The following FUT9 variants were observed in gnomAD, a reference collection of about 807,000 sequenced individuals.
FUT9 encodes the protein 4-galactosyl-N-acetylglucosaminide 3-alpha-L-fucosyltransferase 9.
Under a neutral mutation model 29.7 loss-of-function variants are expected in FUT9, and 15 were observed. The observed-to-expected ratio is 0.51, with a 90% CI of 0.34 to 0.78. The LOEUF is 0.78. Among genes scored for constraint, FUT9 ranks in the 30% least tolerant of loss-of-function variants. FUT9 has a pLI of 0.01. For missense variants in FUT9, 319 were observed against 425.4 expected (o/e 0.75, Z 2.20); for synonymous variants, 169 against 153.7 (o/e 1.10, Z -0.74).
At chr6:96,062,397 A>T (rs888542201) in intron 1 of FUT9, among the ~76,000 whole-genome samples, 6 of 152,164 alleles carry the variant, frequency 3.9e-5, no homozygotes, top group Non-Finnish European at 8.8e-5. Flanking sequence ...TATCAGTAAA[A>T]TCATGTTATT....
chr6:96,107,337 T>A (rs13213166), intron 1 of FUT9, among the ~76,000 whole-genome samples: 12,920 of 152,232 alleles, frequency 0.085, 676 homozygotes, highest in Non-Finnish European at 0.11. Context: ...ATGTTTTGAT[T>A]AAATAAGTCT....
chr6:96,123,859 G>A (rs1431606614), intron 2 of FUT9, among the ~76,000 whole-genome samples: 1 of 151,864 alleles, frequency 6.6e-6, no homozygotes, highest in Non-Finnish European at 1.5e-5. Flanking sequence ...GGCTTTTCAT[G>A]AGGAAGAGGG....
intron 2 of FUT9, among the ~76,000 whole-genome samples, chr6:96,194,283 T>C (rs1773578691): frequency 6.6e-6 from 1 of 152,148 alleles, no homozygotes; most frequent in South Asian, 2.1e-4. Flanking sequence ...TTCCAAAGTT[T>C]CTGATTTCAT....
chr6:96,093,012 C>G (rs1201363368), intron 1 of FUT9, among the ~76,000 whole-genome samples: 1 of 152,130 alleles, frequency 6.6e-6, no homozygotes, highest in African/African-American at 2.4e-5. Context: ...AAGCAATCCT[C>G]CTGCCTTGGC....
chr6:96,164,174 T>A (rs1470783168), intron 2 of FUT9, among the ~76,000 whole-genome samples: 1 of 151,628 alleles, frequency 6.6e-6, no homozygotes, highest in African/African-American at 2.4e-5. Context: ...AGCAATTGGA[T>A]GAAAGAGTTT....
chr6:96,022,146 C>A (rs1770080181), intron 1 of FUT9, among the ~76,000 whole-genome samples: 2 of 152,014 alleles, frequency 1.3e-5, no homozygotes, highest in Non-Finnish European at 2.9e-5. Flanking sequence ...AGCTACAAGA[C>A]ATAGGTGTTA....
chr6:96,174,513 T>A (rs886411903), intron 2 of FUT9, among the ~76,000 whole-genome samples: 2 of 152,138 alleles, frequency 1.3e-5, no homozygotes, highest in African/African-American at 4.8e-5. Context: ...TTTCACCAGT[T>A]AAGTACAGCA....
intron 1 of FUT9, among the ~76,000 whole-genome samples, chr6:96,103,382 C>T (rs1392618964): frequency 1.3e-5 from 2 of 151,972 alleles, no homozygotes; most frequent in Non-Finnish European, 2.9e-5. Context: ...CTCAACTACT[C>T]TCCTTACCCA....
At chr6:96,087,444 G>T (rs1346443544) in intron 1 of FUT9, among the ~76,000 whole-genome samples, 1 of 140,948 alleles carries the variant, frequency 7.1e-6, no homozygotes, top group African/African-American at 2.7e-5. Context: ...TCAGCTCACT[G>T]CAACCTCTGC....
chr6:96,211,919 G>A lies in FUT9; in HGVS notation c.*7684G>A, dbSNP rs1251575319. 2.5e-6 allele frequency: 1 copy of A among 406,494 alleles called. No individual in the cohort carries two copies. Among genetic ancestry groups the A allele is most frequent in the Admixed American group, 4.4e-5 (1 of 22,572 alleles). The allele number at this position is 406,494 out of a possible 1,614,324, so 25.2% of individuals were successfully genotyped here. A position where few individuals can be genotyped will look rare whatever the true frequency, so the allele number is the denominator to read the frequency against. On this transcript the variant is annotated 3_prime_UTR_variant, in exon 3 of 3. Coordinates refer to ENST00000302103, the MANE Select transcript of FUT9 (RefSeq NM_006581.4). ...CTGGAAACCAAACAATTTTGAATTAGTTGTGTAAGTAAAGTAAGTTAAGTT... is the reference window on the plus strand; with the variant it reads ...CTGGAAACCAAACAATTTTGAATTAATTGTGTAAGTAAAGTAAGTTAAGTT...
intron 1 of FUT9, among the ~76,000 whole-genome samples, chr6:96,109,892 C>T (rs1771764981): frequency 1.3e-5 from 2 of 152,152 alleles, no homozygotes; most frequent in Non-Finnish European, 2.9e-5. Context: ...TCTTACCCTT[C>T]CCCTCACACC....
chr6:96,169,595 T>C (rs1773075147), intron 2 of FUT9, among the ~76,000 whole-genome samples: 1 of 152,162 alleles, frequency 6.6e-6, no homozygotes, highest in Non-Finnish European at 1.5e-5. Context: ...AAAAGTTTTA[T>C]TTATTGGTGA....
chr6:96,213,493 T>C lies in FUT9; in HGVS notation c.*9258T>C, dbSNP rs1322243606. 1.2e-5 allele frequency: 2 copies of C among 166,886 alleles called. No individual in the cohort carries two copies. Among genetic ancestry groups the C allele is most frequent in the Non-Finnish European group, 2.9e-5 (2 of 68,020 alleles). The allele number at this position is 166,886 out of a possible 1,614,324, so 10.3% of individuals were successfully genotyped here. On this transcript the variant is annotated 3_prime_UTR_variant, in exon 3 of 3. Transcript: ENST00000302103. ...AATGTGATGTAATTTTGCACTATTG[T>C]ATTGTCATATTTAATCAAACTCTTA...
chr6:96,155,594 A>C (rs1039134602), intron 2 of FUT9, among the ~76,000 whole-genome samples: 1 of 151,678 alleles, frequency 6.6e-6, no homozygotes, highest in Non-Finnish European at 1.5e-5. Context: ...AATGGTGTGA[A>C]CCTGGGAGGC....
chr6:96,079,771 G>A (rs1771204947), intron 1 of FUT9, among the ~76,000 whole-genome samples: 1 of 151,856 alleles, frequency 6.6e-6, no homozygotes, highest in Non-Finnish European at 1.5e-5. Flanking sequence ...ATAGTTTTGT[G>A]AAAAAAATAA....
intron 1 of FUT9, among the ~76,000 whole-genome samples, chr6:96,075,705 G>C (rs1433435982): frequency 6.6e-6 from 1 of 152,108 alleles, no homozygotes; most frequent in Non-Finnish European, 1.5e-5. Context: ...AAAACTGCCT[G>C]TCTTATTCAG....
At chr6:96,188,488 G>A (rs758684719) in intron 2 of FUT9, among the ~76,000 whole-genome samples, 8 of 152,130 alleles carry the variant, frequency 5.3e-5, no homozygotes, top group Middle Eastern at 6.8e-3. Flanking sequence ...AAAGCAATAC[G>A]TGTGACCTGA....
chr6:96,084,982 T>A (rs1050159373), intron 1 of FUT9, among the ~76,000 whole-genome samples: 3 of 152,202 alleles, frequency 2.0e-5, no homozygotes, highest in African/African-American at 4.8e-5. Flanking sequence ...CTTGTTTTAC[T>A]GAATAATTTC....
At position 96,207,543 on chromosome 6, in the gene FUT9, G is replaced by A. The variant is rs562209096; in HGVS notation, c.*3308G>A. ...GGAAATGGGCTATCACTACATTTAA[G>A]TGAAATACAACCCTCAAGAAAGTGT... On this transcript the variant is annotated 3_prime_UTR_variant, in exon 3 of 3. Transcript: ENST00000302103. 6.0e-6 allele frequency: 1 copy of A among 167,052 alleles called. No homozygotes were observed. The highest frequency in any genetic ancestry group is 1.9e-4 in the East Asian group (1 of 5,192). The allele number at this position is 167,052 out of a possible 1,614,324, so 10.3% of individuals were successfully genotyped here. A position where few individuals can be genotyped will look rare whatever the true frequency, so the allele number is the denominator to read the frequency against.
Sources: gnomAD v4.1 joint callset for allele counts (sites outside exome capture counted in the v4.1 genomes callset) on GRCh38, gnomAD v4.1.1 for gene constraint, MANE v1.5 for transcripts, NCBI Gene and HGNC (gene_info 2026-07-23, HGNC 2026-07-21) for gene names.